The following SPOCD1 variants were observed in gnomAD, a reference collection of about 807,000 sequenced individuals.
SPOCD1 encodes the protein SPOC domain containing 1.
In SPOCD1, 64 loss-of-function variants were observed where a neutral mutation model predicts 92.2. The ratio of observed to expected loss-of-function variants is 0.69; its 90% CI spans 0.57 to 0.86. SPOCD1 has a LOEUF of 0.86. Ranked by LOEUF, SPOCD1 falls within the 40% of genes least tolerant of loss-of-function variation. The pLI, the probability that SPOCD1 is intolerant of heterozygous loss-of-function variation, is 0.00. For missense variants in SPOCD1, 1,360 were observed against 1,543.1 expected (o/e 0.88, Z 1.99); for synonymous variants, 578 against 619.3 (o/e 0.93, Z 0.99).
chr1:31,803,625 C>CA (rs1648607905), intron 2 of SPOCD1, among the ~76,000 whole-genome samples: 1 of 151,506 alleles, frequency 6.6e-6, no homozygotes, highest in South Asian at 2.1e-4. Flanking sequence ...CCTGTAGTCC[C>CA]AACTACTCAG....
At chr1:31,796,551 A>G (rs954775603) in intron 10 of SPOCD1, 39 bp downstream of exon 10, 1 of 1,614,246 alleles carries the variant, frequency 6.2e-7, no homozygotes, top group East Asian at 2.2e-5. Flanking sequence ...ACCCCCAGGC[A>G]TGGGCTCTGC....
At chr1:31,792,991 T>C (rs1433039239) in intron 13 of SPOCD1, among the ~76,000 whole-genome samples, 1 of 152,172 alleles carries the variant, frequency 6.6e-6, no homozygotes, top group Admixed American at 6.5e-5. Context: ...TCCTCTATCC[T>C]CTGCTCTCAT....
rs961324442 is a variant in SPOCD1 at position 31,792,276 on chromosome 1, G to A, written c.2901C>T (p.Val967=). The change falls in exon 15 of 16, where the codon GTC becomes GTT. Residue 967 remains valine (V), a synonymous_variant. Transcript: ENST00000360482. The part of the protein sequence containing the change: ...GLASVEHMGM[V]LLPLPAFQPL... ...GCTGGAAGGCAGGCAGGGGCAGCAG[G>A]ACCATCCCCATGTGCTCCACAGAGG... 9 of 1,613,256 alleles carry A rather than the reference G, an allele frequency of 5.6e-6. No individual in the cohort carries two copies. The highest frequency in any genetic ancestry group is 2.2e-5 in the South Asian group (2 of 90,968).
Position 31,798,408 on chromosome 1 carries a change from G to A in SPOCD1, c.2028+34C>T. The A allele has an allele frequency of 6.3e-7, 1 of 1,592,876 alleles. No individual in the cohort carries two copies. Among genetic ancestry groups the A allele is most frequent in the Non-Finnish European group, 8.6e-7 (1 of 1,167,938 alleles). On this transcript the variant is annotated intron_variant, in intron 8 of 15. Transcript: ENST00000360482. The surrounding 1 kb of genome is among the most constrained non-coding windows in gnomAD (Gnocchi z 4.1). ...TCCTGCAGGGGCTCTGAGATTCAGA[G>A]AGGGGACGCAGCCCAGCCCAAAGCC...
Position 31,791,012 on chromosome 1 carries a change from C to G in SPOCD1, c.3242G>C (p.Arg1081Thr). The change falls in exon 16 of 16, where the codon AGG becomes ACG. Residue 1081 changes from arginine (R) to threonine (T), a missense_variant. Physicochemically the swap from Arg to Thr is moderately conservative, Grantham distance 71 (BLOSUM62 -1). Coordinates refer to ENST00000360482, the MANE Select transcript of SPOCD1 (RefSeq NM_144569.7). ...GGGCCTCTGCCAAGCAGAGATTCCC[C>G]TTGGAGCTATACTGCCCCTGCCCTG... is the stretch of plus-strand genomic sequence containing the variant. ...QSQGRGSIAP[R>T]GISAWQRPPR... 1.9e-6 allele frequency: 3 copies of G among 1,604,066 alleles called. No homozygotes were observed. The highest frequency in any genetic ancestry group is 2.6e-6 in the Non-Finnish European group (3 of 1,175,368).
intron 10 of SPOCD1, 74 bp downstream of exon 10, chr1:31,796,516 C>T: frequency 6.2e-7 from 1 of 1,612,488 alleles, no homozygotes; most frequent in Non-Finnish European, 8.5e-7. Flanking sequence ...CCCAAGACCA[C>T]ACTGCTGGTG....
chr1:31,796,736 A>G, intron 9 of SPOCD1, 21 bp from the exon 10 acceptor site: 1 of 1,614,094 alleles, frequency 6.2e-7, no homozygotes. Context: ...GGAGCAGGCC[A>G]AGCTGAGCCC....
chr1:31,793,673 T>C (rs1274637186), intron 12 of SPOCD1, 74 bp downstream of exon 12: 5 of 1,609,016 alleles, frequency 3.1e-6, no homozygotes, highest in African/African-American at 1.3e-5. Context: ...GCCAGTGCTA[T>C]GTCTGTTGCA....
Position 31,814,090 on chromosome 1 carries a change from T to C in SPOCD1, c.1244A>G (p.Glu415Gly), listed in dbSNP as rs763539893. The change falls in exon 2 of 16, where the codon GAG becomes GGG. Residue 415 changes from glutamate (E) to glycine (G), a missense_variant. This residue lies in a region of SPOCD1 where 606 missense variants were observed against 601.5 expected (regional missense o/e 1.01). Coordinates refer to ENST00000360482, the MANE Select transcript of SPOCD1 (RefSeq NM_144569.7). This position sits in a 1 kb window ranked among gnomAD's most constrained non-coding sequence, Gnocchi z 4.2. ...CTTAGTGCCCTTGGATCTTCTCTGC[T>C]CCATGAATGGGCCTGAGCAGGCCCT... ...ASRACSGPFM[E>G]QRRSKGTKNL... 1 of 1,613,658 alleles carries C rather than the reference T, an allele frequency of 6.2e-7. No individual in the cohort carries two copies. Among genetic ancestry groups the C allele is most frequent in the Non-Finnish European group, 8.5e-7 (1 of 1,179,746 alleles).
At chr1:31,797,308 C>T (rs984915768) in intron 9 of SPOCD1, among the ~76,000 whole-genome samples, 6 of 152,234 alleles carry the variant, frequency 3.9e-5, no homozygotes, top group African/African-American at 1.4e-4. Flanking sequence ...GAGGTCTGCT[C>T]CTCTCTGGTG....
chr1:31,801,810 A>T, intron 2 of SPOCD1, 105 bp from the exon 3 acceptor site: 1 of 961,272 alleles, frequency 1.0e-6, no homozygotes, highest in Non-Finnish European at 1.7e-6. Context: ...GTGTGTGTTC[A>T]GTGTTCACTG....
chr1:31,791,775 G>T (rs1647611162), intron 15 of SPOCD1, among the ~76,000 whole-genome samples: 1 of 152,216 alleles, frequency 6.6e-6, no homozygotes. Context: ...TCTCTTCAGG[G>T]GTGCCTACCT....
chr1:31,799,118 T>G (rs186089401), intron 7 of SPOCD1, among the ~76,000 whole-genome samples: 1 of 152,036 alleles, frequency 6.6e-6, no homozygotes, highest in Non-Finnish European at 1.5e-5. Flanking sequence ...CAGCACACAC[T>G]CTACGTGAAA....
intron 2 of SPOCD1, among the ~76,000 whole-genome samples, chr1:31,807,141 A>G (rs1321571004): frequency 6.7e-6 from 1 of 149,422 alleles, no homozygotes; most frequent in African/African-American, 2.5e-5. Context: ...TAATCCCAGC[A>G]CTTTGGGAGG....
chr1:31,808,712 G>T (rs1404318657), intron 2 of SPOCD1, among the ~76,000 whole-genome samples: 1 of 151,880 alleles, frequency 6.6e-6, no homozygotes, highest in Non-Finnish European at 1.5e-5. Flanking sequence ...GGAAAGGGAA[G>T]GGAAGAGAGA....
chr1:31,792,859 G>A (rs1647707287), intron 13 of SPOCD1, 92 bp from the exon 14 acceptor site: 1 of 974,922 alleles, frequency 1.0e-6, no homozygotes, highest in Non-Finnish European at 1.6e-6. Context: ...TGCAGCCTGT[G>A]GCAAATATGG....
intron 6 of SPOCD1, 68 bp downstream of exon 6, chr1:31,799,741 G>A: frequency 1.3e-6 from 2 of 1,571,496 alleles, no homozygotes; most frequent in Non-Finnish European, 1.7e-6. Context: ...CCCAGGAGCT[G>A]GGCCTGAGTC....
intron 2 of SPOCD1, among the ~76,000 whole-genome samples, chr1:31,804,804 A>T (rs1347228971): frequency 6.6e-6 from 1 of 151,738 alleles, no homozygotes; most frequent in Non-Finnish European, 1.5e-5. Flanking sequence ...GGATTTTTTA[A>T]AAAAAAAGAT....
At chr1:31,792,853 G>A (rs1647706897) in intron 13 of SPOCD1, 86 bp from the exon 14 acceptor site, 2 of 1,093,484 alleles carry the variant, frequency 1.8e-6, no homozygotes, top group African/African-American at 1.6e-5. Context: ...GAAGGCTGCA[G>A]CCTGTGGCAA....
Sources: allele counts gnomAD v4.1 joint callset (sites outside exome capture counted in the v4.1 genomes callset), GRCh38; gene constraint gnomAD v4.1.1; regional missense constraint gnomAD v4.1.1; non-coding constraint Gnocchi (gnomAD v3.1); transcripts MANE v1.5; gene names NCBI Gene and HGNC (gene_info 2026-07-23, HGNC 2026-07-21).